Variants in ZBTB7C observed in about 807,000 individuals in gnomAD.
ZBTB7C encodes the protein zinc finger and BTB domain containing 7C.
ZBTB7C carries 8 observed loss-of-function variants against 25.7 expected under a neutral mutation model. That is an observed-to-expected ratio of 0.31 (90% CI 0.18 to 0.56). ZBTB7C has a LOEUF of 0.56. Among genes scored for constraint, ZBTB7C ranks in the 20% least tolerant of loss-of-function variants. ZBTB7C has a pLI of 0.91. For missense variants in ZBTB7C, 824 were observed against 855.2 expected (o/e 0.96, Z 0.46); for synonymous variants, 394 against 369.0 (o/e 1.07, Z -0.78).
At chr18:48,348,893 G>A (rs963259128) in intron 1 of ZBTB7C, among the ~76,000 whole-genome samples, 2 of 152,212 alleles carry the variant, frequency 1.3e-5, no homozygotes, top group Non-Finnish European at 2.9e-5. Flanking sequence ...TTCCCCTGGG[G>A]AGGGCCGGTT....
At chr18:48,096,872 C>G (rs1055436191) in intron 3 of ZBTB7C, among the ~76,000 whole-genome samples, 1 of 152,178 alleles carries the variant, frequency 6.6e-6, no homozygotes, top group Admixed American at 6.5e-5. Flanking sequence ...TCATTTTCCC[C>G]TCCTAGATTG....
chr18:48,266,643 C>T (rs1265394598), intron 2 of ZBTB7C, among the ~76,000 whole-genome samples: 1 of 152,240 alleles, frequency 6.6e-6, no homozygotes, highest in Non-Finnish European at 1.5e-5. Context: ...ACCCCCCTAG[C>T]ATCCGTACCA....
rs575732570 is a variant in ZBTB7C, at chr18:48,302,778, C to T, written c.-79+35396G>A. Among the ~76,000 whole-genome samples, 7 of 152,318 alleles carry T rather than the reference C, an allele frequency of 4.6e-5. No homozygotes were observed. In the South Asian group the frequency reaches 1.5e-3, roughly 32 times the overall value. ...GACTCCAGTCTTGCTGGCAGCTAAG[C>T]AAGTCCTGGGAAAACCAGGAGCTGG... On this transcript the variant is annotated intron_variant, in intron 2 of 4. Coordinates refer to ENST00000590800, the MANE Select transcript of ZBTB7C (RefSeq NM_001318841.2).
In ZBTB7C at chr18:48,195,603, G is replaced by C. The variant is rs116938122; in HGVS notation, c.-78-9608C>G. Among the ~76,000 whole-genome samples, 524 of 152,280 alleles carry C rather than the reference G, an allele frequency of 3.4e-3. 5 individuals are homozygous for C. The highest frequency in any genetic ancestry group is 6.8e-3 in the Middle Eastern group (2 of 294). ...TCGGATATGTCTTTATTAGCAGTGT[G>C]AGAACAGACTAATACATATGGCACT... On this transcript the variant is annotated intron_variant, in intron 2 of 4. Transcript: ENST00000590800.
intron 3 of ZBTB7C, among the ~76,000 whole-genome samples, chr18:48,100,919 G>C (rs544603608): frequency 3.6e-5 from 5 of 139,596 alleles, no homozygotes; most frequent in Non-Finnish European, 6.3e-5. Context: ...CTGGTGGGGG[G>C]GCTGGAAACA....
intron 3 of ZBTB7C, among the ~76,000 whole-genome samples, chr18:48,168,016 C>CA (rs2041328359): frequency 6.6e-6 from 1 of 152,200 alleles, no homozygotes; most frequent in Non-Finnish European, 1.5e-5. Context: ...AAAGGAAAAA[C>CA]AAGTCCGCAT....
chr18:48,115,678 A>G (rs915490757), intron 3 of ZBTB7C, among the ~76,000 whole-genome samples: 1 of 152,124 alleles, frequency 6.6e-6, no homozygotes, highest in Non-Finnish European at 1.5e-5. Flanking sequence ...ACATTCGTAT[A>G]CTAGTATCTG....
intron 2 of ZBTB7C, among the ~76,000 whole-genome samples, chr18:48,333,528 A>G (rs934509472): frequency 6.6e-6 from 1 of 152,370 alleles, no homozygotes; most frequent in East Asian, 1.9e-4. Flanking sequence ...ACTGGGTCAC[A>G]TAGCAAACTA....
chr18:48,109,964 C>CAAAGGTGGTCTGAGACTGAGGCATAG (rs2039175729), intron 3 of ZBTB7C, among the ~76,000 whole-genome samples: 1 of 152,086 alleles, frequency 6.6e-6, no homozygotes, highest in Non-Finnish European at 1.5e-5. Context: ...TAACTAGCAG[C>CAAAGGTGGTCTGAGACTGAGGCATAG]AAAGGTGGTC....
chr18:48,066,866 C>T (rs1479724796), intron 3 of ZBTB7C, among the ~76,000 whole-genome samples: 1 of 152,200 alleles, frequency 6.6e-6, no homozygotes, highest in African/African-American at 2.4e-5. Flanking sequence ...CTTTGGGAGG[C>T]CAAGGCGGGC....
chr18:48,099,735 G>T (rs2038764867), intron 3 of ZBTB7C, among the ~76,000 whole-genome samples: 1 of 152,206 alleles, frequency 6.6e-6, no homozygotes, highest in African/African-American at 2.4e-5. Flanking sequence ...TGGCCCCTCA[G>T]ACAAGGAGGT....
chr18:48,042,231 G>T (rs1490182885), intron 3 of ZBTB7C, among the ~76,000 whole-genome samples: 1 of 152,170 alleles, frequency 6.6e-6, no homozygotes, highest in Non-Finnish European at 1.5e-5. Flanking sequence ...ACTAGAGACA[G>T]AAACTAAACA....
intron 2 of ZBTB7C, among the ~76,000 whole-genome samples, chr18:48,211,995 A>G (rs895769471): frequency 6.6e-6 from 1 of 152,180 alleles, no homozygotes; most frequent in Admixed American, 6.5e-5. Flanking sequence ...AGACATGCTA[A>G]AAAGACATGA....
At chr18:48,404,574 A>G (rs560991613) in intron 1 of ZBTB7C, among the ~76,000 whole-genome samples, 1 of 152,272 alleles carries the variant, frequency 6.6e-6, no homozygotes, top group African/African-American at 2.4e-5. Context: ...CGACTTCATC[A>G]TTACCTGTTG....
chr18:48,361,153 C>A (rs115714212), intron 1 of ZBTB7C, among the ~76,000 whole-genome samples: 1 of 152,060 alleles, frequency 6.6e-6, no homozygotes, highest in African/African-American at 2.4e-5. Context: ...CATCTCCCTG[C>A]GTCAGGCCAA....
intron 3 of ZBTB7C, chr18:48,150,909 G>C (rs1418094041): frequency 6.6e-6 from 1 of 152,202 alleles, no homozygotes; most frequent in Non-Finnish European, 1.5e-5. Flanking sequence ...TTCTCAGTAC[G>C]TGGATTTCAA....
intron 2 of ZBTB7C, among the ~76,000 whole-genome samples, chr18:48,253,280 T>C (rs2043923191): frequency 6.6e-6 from 1 of 152,016 alleles, no homozygotes; most frequent in African/African-American, 2.4e-5. Flanking sequence ...TAAATACCTT[T>C]AAAAATACTT....
At chr18:48,412,276 C>T (rs2048387344), upstream of ZBTB7C, among the ~76,000 whole-genome samples, 1 of 152,126 alleles carries the variant, frequency 6.6e-6, no homozygotes. Flanking sequence ...CAAATTTTTA[C>T]CTATTTCCCG....
At chr18:48,254,011 G>A (rs1032715930) in intron 2 of ZBTB7C, among the ~76,000 whole-genome samples, 1 of 152,190 alleles carries the variant, frequency 6.6e-6, no homozygotes, top group East Asian at 1.9e-4. Context: ...CCCCATAGAA[G>A]AAGTGAATCT....
Sources: allele counts gnomAD v4.1 joint callset (sites outside exome capture counted in the v4.1 genomes callset), GRCh38; gene constraint gnomAD v4.1.1; transcripts MANE v1.5; gene names NCBI Gene and HGNC (gene_info 2026-07-23, HGNC 2026-07-21).